The following CALM2 variants were observed in gnomAD, a reference collection of about 807,000 sequenced individuals.
CALM2 encodes the protein calmodulin 2, also known as calmodulin-2.
A neutral mutation model predicts 19.8 loss-of-function variants in CALM2; 2 were observed. The ratio of observed to expected loss-of-function variants is 0.10; its 90% CI spans 0.04 to 0.32. The LOEUF (loss-of-function observed/expected upper bound fraction) is 0.32, where lower values mean the gene tolerates loss of function less well. CALM2 is among the 10% of genes least tolerant of loss of function. CALM2 has a pLI of 1.00. For missense variants in CALM2, 38 were observed against 178.7 expected (o/e 0.21, Z 4.49); for synonymous variants, 51 against 52.1 (o/e 0.98, Z 0.09).
At chr2:47,175,079 G>GTGTTTTT (rs1666803451) in intron 1 of CALM2, among the ~76,000 whole-genome samples, 3 of 11,054 alleles carry the variant, frequency 2.7e-4, no homozygotes, top group South Asian at 2.7e-3. Context: ...CCCTCATTAG[G>GTGTTTTT]TGTTTTTTTT....
chr2:47,162,907 T>C (rs1687199443), intron 2 of CALM2: 3 of 355,936 alleles, frequency 8.4e-6, no homozygotes, highest in Middle Eastern at 7.5e-4. Flanking sequence ...AACCAATCTT[T>C]ATGATACCTT....
chr2:47,161,670 C>T, intron 5 of CALM2, 53 bp downstream of exon 5: 3 of 1,550,460 alleles, frequency 1.9e-6, no homozygotes, highest in Non-Finnish European at 2.6e-6. Context: ...AACAAAGAGC[C>T]TCTTATCTTA....
intron 4 of CALM2, among the ~76,000 whole-genome samples, 177 bp downstream of exon 4, chr2:47,162,109 A>G (rs1296672611): frequency 3.4e-5 from 5 of 148,700 alleles, no homozygotes; most frequent in Admixed American, 2.7e-4. Context: ...CATATATTAG[A>G]AAGTCTATAC....
intron 1 of CALM2, chr2:47,174,050 A>G (rs969753805): frequency 2.0e-5 from 3 of 152,218 alleles, no homozygotes; most frequent in Non-Finnish European, 4.4e-5. Context: ...GTTGGCACTT[A>G]TAAGAACAAT....
intron 2 of CALM2, among the ~76,000 whole-genome samples, chr2:47,167,848 G>T (rs1187905366): frequency 2.3e-5 from 2 of 88,020 alleles, no homozygotes; most frequent in African/African-American, 1.1e-4. Flanking sequence ...TGCCCAGACT[G>T]GTCTTGAACT....
intron 1 of CALM2, among the ~76,000 whole-genome samples, chr2:47,175,990 G>T (rs878665): frequency 0.64 from 96,484 of 151,918 alleles, 33,465 homozygotes; most frequent in East Asian, 0.85. Flanking sequence ...GGCGCATGGC[G>T]GCCGCAAGCG....
chr2:47,172,387 T>C (rs1290980099), intron 1 of CALM2: 2 of 584,100 alleles, frequency 3.4e-6, no homozygotes, highest in East Asian at 6.8e-5. Flanking sequence ...TCAACTTCAT[T>C]TGTAGCACAA....
At chr2:47,170,014 T>C (rs750541523) in intron 2 of CALM2, among the ~76,000 whole-genome samples, 2 of 150,526 alleles carry the variant, frequency 1.3e-5, no homozygotes, top group Non-Finnish European at 3.0e-5. Flanking sequence ...TTCCCCAACA[T>C]TGACATTAAC....
At position 47,176,430 on chromosome 2, in the gene CALM2, G is replaced by A. The variant is rs1215227580; in HGVS notation, c.3+11C>T. ...ACAGGCCCAGCGCCGGCAGCTCAGC[G>A]ATGCACTCACCATGCTGCAAGCGCT... On this transcript the variant is annotated intron_variant, in intron 1 of 5. Coordinates refer to ENST00000272298, the MANE Select transcript of CALM2 (RefSeq NM_001743.6). 1.9e-6 allele frequency: 3 copies of A among 1,613,032 alleles called. No individual in the cohort carries two copies. Among genetic ancestry groups the A allele is most frequent in the African/African-American group, 2.7e-5 (2 of 74,888 alleles).
chr2:47,167,723 A>AAAAAAT, intron 2 of CALM2: 1 of 135,702 alleles, frequency 7.4e-6, no homozygotes, highest in Non-Finnish European at 1.6e-5. Flanking sequence ...AAAAAAAAAA[A>AAAAAAT]AAAAATTTAG....
intron 5 of CALM2, among the ~76,000 whole-genome samples, chr2:47,161,282 T>C (rs532816777): frequency 4.7e-4 from 71 of 152,210 alleles, no homozygotes; most frequent in Non-Finnish European, 9.3e-4. Context: ...ACGATACTTT[T>C]GAAGCACATG....
At chr2:47,164,112 C>G (rs1298131572) in intron 2 of CALM2, 1 of 152,240 alleles carries the variant, frequency 6.6e-6, no homozygotes, top group Non-Finnish European at 1.5e-5. Context: ...GTGGCGGGCG[C>G]CTATAGTCCC....
intron 2 of CALM2, among the ~76,000 whole-genome samples, chr2:47,164,453 TG>T (rs1217459571): frequency 6.8e-6 from 1 of 146,252 alleles, no homozygotes; most frequent in Admixed American, 6.7e-5. Context: ...ACACACAAGC[TG>T]GGTGTGGCGG....
intron 2 of CALM2, among the ~76,000 whole-genome samples, chr2:47,166,429 A>C (rs2103834604): frequency 6.6e-6 from 1 of 152,356 alleles, no homozygotes; most frequent in South Asian, 2.1e-4. Context: ...GAAGATGCAT[A>C]GTGTAAGACT....
chr2:47,176,477 A>G lies in CALM2; in HGVS notation c.-34T>C, dbSNP rs754758463. On this transcript the variant is annotated 5_prime_UTR_variant, in exon 1 of 6. Transcript: ENST00000272298. ...CGCTACCGGTTTCCGAGACGCGACC[A>G]CACAACCACTCAGCTCGCTCTCTCC... 3 of 1,613,580 alleles carry G rather than the reference A, an allele frequency of 1.9e-6. No individual in the cohort carries two copies. The highest frequency in any genetic ancestry group is 2.2e-5 in the East Asian group (1 of 44,846).
At chr2:47,160,949 G>T in intron 5 of CALM2, 145 bp from the exon 6 acceptor site, 1 of 538,288 alleles carries the variant, frequency 1.9e-6, no homozygotes. Flanking sequence ...ACAGAGGGAA[G>T]CTAGTTTATT....
intron 2 of CALM2, among the ~76,000 whole-genome samples, chr2:47,168,587 A>T (rs574998984): frequency 6.6e-6 from 1 of 152,166 alleles, no homozygotes; most frequent in East Asian, 1.9e-4. Context: ...AAAAATACAA[A>T]AATAGCCAGG....
intron 2 of CALM2, chr2:47,167,786 A>G (rs969701080): frequency 8.3e-6 from 1 of 120,800 alleles, no homozygotes; most frequent in African/African-American, 3.8e-5. Flanking sequence ...CAACTAAAAA[A>G]AAAAAAAAAA....
At chr2:47,172,205 C>G (rs746850514) in intron 1 of CALM2, 1 of 281,384 alleles carries the variant, frequency 3.6e-6, no homozygotes, top group African/African-American at 2.2e-5. Context: ...TTAATAGAAG[C>G]TACATTACTT....
Sources: allele counts gnomAD v4.1 joint callset (sites outside exome capture counted in the v4.1 genomes callset), GRCh38; gene constraint gnomAD v4.1.1; transcripts MANE v1.5; gene names NCBI Gene and HGNC (gene_info 2026-07-23, HGNC 2026-07-21).